The following MIGA1 variants were observed in gnomAD, a reference collection of about 807,000 sequenced individuals.
MIGA1 encodes mitoguardin 1.
MIGA1 carries 58 observed loss-of-function variants against 82.0 expected under a neutral mutation model. That is an observed-to-expected ratio of 0.71 (90% CI 0.57 to 0.88). The LOEUF (loss-of-function observed/expected upper bound fraction) is 0.88, where lower values mean the gene tolerates loss of function less well. Among genes scored for constraint, MIGA1 ranks in the 40% least tolerant of loss-of-function variants. The pLI, the probability that MIGA1 is intolerant of heterozygous loss-of-function variation, is 0.00. For missense variants in MIGA1, 751 were observed against 749.1 expected (o/e 1.00, Z -0.03); for synonymous variants, 249 against 253.6 (o/e 0.98, Z 0.17).
intron 3 of MIGA1, 124 bp from the exon 4 acceptor site, chr1:77,803,142 CAAGT>C (rs1400460064): frequency 6.9e-6 from 3 of 434,388 alleles, no homozygotes; most frequent in Admixed American, 4.4e-5. Context: ...ATAATTTACA[CAAGT>C]GAGTGATGCA....
chr1:77,847,414 A>C, intron 8 of MIGA1: 1 of 1,371,218 alleles, frequency 7.3e-7, no homozygotes, highest in Non-Finnish European at 1.0e-6. Flanking sequence ...AAGCCCAAGT[A>C]TATTCACAAC....
intron 1 of MIGA1, among the ~76,000 whole-genome samples, chr1:77,782,078 C>T (rs1681945555): frequency 6.6e-6 from 1 of 152,084 alleles, no homozygotes; most frequent in Admixed American, 6.6e-5. Flanking sequence ...GCAATCCACC[C>T]ATCTCGGCCT....
intron 7 of MIGA1, among the ~76,000 whole-genome samples, chr1:77,840,675 G>A (rs902687187): frequency 3.3e-5 from 5 of 152,092 alleles, no homozygotes; most frequent in Non-Finnish European, 7.4e-5. Context: ...AGCCGGGCGT[G>A]GTGGCACATG....
chr1:77,790,126 A>G (rs963141584), intron 2 of MIGA1, among the ~76,000 whole-genome samples: 2 of 152,218 alleles, frequency 1.3e-5, no homozygotes, highest in Non-Finnish European at 2.9e-5. Flanking sequence ...CAATATCACA[A>G]TCAAGAAATT....
intron 7 of MIGA1, among the ~76,000 whole-genome samples, chr1:77,822,758 C>T (rs1342566019): frequency 6.7e-6 from 1 of 150,316 alleles, no homozygotes; most frequent in Non-Finnish European, 1.5e-5. Context: ...TACATTTGTA[C>T]TATTTATAGA....
chr1:77,788,104 G>A (rs1449392507), intron 2 of MIGA1, among the ~76,000 whole-genome samples: 1 of 152,174 alleles, frequency 6.6e-6, no homozygotes, highest in Non-Finnish European at 1.5e-5. Context: ...CTGGGTTCAA[G>A]CAATTCTTCT....
At chr1:77,824,391 C>T (rs565948981) in intron 7 of MIGA1, among the ~76,000 whole-genome samples, 112 of 152,014 alleles carry the variant, frequency 7.4e-4, no homozygotes, top group African/African-American at 2.5e-3. Context: ...GCGAGATCCC[C>T]GTCTCTATAA....
In MIGA1 at chr1:77,859,459, T is replaced by G. The variant is rs931992855; in HGVS notation, c.1188+73T>G. On this transcript the variant is annotated intron_variant, in intron 10 of 15. Coordinates refer to ENST00000370791, the MANE Select transcript of MIGA1 (RefSeq NM_198549.4). Reference sequence around the variant, plus strand: ...CTCATGCTGTAGAGTCCAGTGCAAATAAACAGGACAGCTCTGTGCTCTTGA... The same window carrying G: ...CTCATGCTGTAGAGTCCAGTGCAAAGAAACAGGACAGCTCTGTGCTCTTGA... The G allele has an allele frequency of 1.8e-5, 18 of 983,270 alleles. No homozygotes were observed. The Middle Eastern group carries it at 8.3e-4, about 45-fold the overall frequency. 60.9% of individuals were successfully genotyped at this position (983,270 alleles called of 1,614,324 possible).
chr1:77,780,908 CTTTTTTT>C (rs1351911649), intron 1 of MIGA1, among the ~76,000 whole-genome samples: 6 of 133,246 alleles, frequency 4.5e-5, no homozygotes, highest in African/African-American at 1.1e-4. Flanking sequence ...TTTCTTTTTT[CTTTTTTT>C]TTTTTTTTTG....
At chr1:77,824,309 C>T (rs999146427) in intron 7 of MIGA1, among the ~76,000 whole-genome samples, 4 of 152,170 alleles carry the variant, frequency 2.6e-5, no homozygotes, top group Non-Finnish European at 5.9e-5. Flanking sequence ...TGTCTGTAAT[C>T]CCAGCACTTG....
chr1:77,813,997 C>A lies in MIGA1; in HGVS notation c.771+130C>A, dbSNP rs148506866. 604 of 856,126 alleles carry A rather than the reference C, an allele frequency of 7.1e-4. 1 individual carries two copies. The African/African-American group carries it at 9.3e-3, about 13-fold the overall frequency. The allele number at this position is 856,126 out of a possible 1,614,324, so 53.0% of individuals were successfully genotyped here. A position where few individuals can be genotyped will look rare whatever the true frequency, so the allele number is the denominator to read the frequency against. On this transcript the variant is annotated intron_variant, in intron 6 of 15. Coordinates refer to ENST00000370791, the MANE Select transcript of MIGA1 (RefSeq NM_198549.4). ...TCTTGAACTCCTGGGCTCAAGCGAT[C>A]TTCCCGCCTTGTCCTCTGAGTAATT...
rs976431055 is a variant in MIGA1, at chr1:77,878,999, T to C, written c.*3935T>C. On this transcript the variant is annotated 3_prime_UTR_variant, in exon 16 of 16. Coordinates refer to ENST00000370791, the MANE Select transcript of MIGA1 (RefSeq NM_198549.4). Reference sequence around the variant, plus strand: ...TACTTAAATTTAATTTCCAAGAGAGTGATTATTTGCATTACAAAGGAATTC... The same window carrying C: ...TACTTAAATTTAATTTCCAAGAGAGCGATTATTTGCATTACAAAGGAATTC... 1.4e-5 allele frequency: 4 copies of C among 277,252 alleles called. No individual in the cohort carries two copies. The highest frequency in any genetic ancestry group is 2.7e-5 in the Non-Finnish European group (4 of 149,954). 17.2% of individuals were successfully genotyped at this position (277,252 alleles called of 1,614,324 possible). A position where few individuals can be genotyped will look rare whatever the true frequency, so the allele number is the denominator to read the frequency against.
chr1:77,876,048 G>T lies in MIGA1; in HGVS notation c.*984G>T, dbSNP rs1646891560. The T allele has an allele frequency of 6.6e-6, 1 of 152,224 alleles. No individual in the cohort carries two copies. Among genetic ancestry groups the T allele is most frequent in the Non-Finnish European group, 1.5e-5 (1 of 68,114 alleles). The allele number at this position is 152,224 out of a possible 1,614,324, so 9.4% of individuals were successfully genotyped here. On this transcript the variant is annotated 3_prime_UTR_variant, in exon 16 of 16. Coordinates refer to ENST00000370791, the MANE Select transcript of MIGA1 (RefSeq NM_198549.4). Reference sequence around the variant, plus strand: ...CTCGGGAGGCTGACACAGGAGTATTGCTTGAACCCAGGAAGTGGAGGCTGC... The same window carrying T: ...CTCGGGAGGCTGACACAGGAGTATTTCTTGAACCCAGGAAGTGGAGGCTGC...
chr1:77,856,506 C>T (rs1325823793), intron 8 of MIGA1, among the ~76,000 whole-genome samples: 2 of 151,998 alleles, frequency 1.3e-5, no homozygotes, highest in Non-Finnish European at 2.9e-5. Context: ...TCTGGTCCTG[C>T]ACTTTTTTTT....
At chr1:77,779,964 C>A in intron 1 of MIGA1, 1 of 1,344,842 alleles carries the variant, frequency 7.4e-7, no homozygotes, top group Admixed American at 3.6e-5. Context: ...CAGGGTCGGG[C>A]CTGGTTAGTA....
rs866320210 is a variant in MIGA1 at position 77,787,139 on chromosome 1, T to G, written c.195+3788T>G. On this transcript the variant is annotated intron_variant, in intron 2 of 15. Coordinates refer to ENST00000370791, the MANE Select transcript of MIGA1 (RefSeq NM_198549.4). ...AAACCATCAGATCTCGTGAGACTTA[T>G]GCGCTGTCATGAGAACAGCAAGGGA... Among the ~76,000 whole-genome samples, 3 of 152,184 alleles carry G rather than the reference T, an allele frequency of 2.0e-5. No individual in the cohort carries two copies. In the South Asian group the frequency reaches 6.2e-4, roughly 31 times the overall value.
At chr1:77,806,653 A>C (rs1683112036) in intron 4 of MIGA1, among the ~76,000 whole-genome samples, 1 of 152,224 alleles carries the variant, frequency 6.6e-6, no homozygotes, top group Non-Finnish European at 1.5e-5. Flanking sequence ...AGCTAGCTTA[A>C]ATCACAGTAG....
rs750319550 is a variant in MIGA1, at chr1:77,783,267, A to T, written c.111A>T (p.Thr37=). ...GAAGAGGAGCCATGTCAGAAGAAACAGTAAGTGAATCACAGTTTTCCTTGA... is the reference window on the plus strand; with the variant it reads ...GAAGAGGAGCCATGTCAGAAGAAACTGTAAGTGAATCACAGTTTTCCTTGA... Residue 37 remains threonine, a synonymous_variant, in exon 2 of 16, where the codon ACA becomes ACT. Transcript: ENST00000370791. The T allele has an allele frequency of 3.1e-6, 5 of 1,593,130 alleles. No homozygotes were observed. In the East Asian group the frequency reaches 1.1e-4, roughly 36 times the overall value.
chr1:77,878,262 C>T lies in MIGA1; in HGVS notation c.*3198C>T, dbSNP rs35969461. ...TACAAAAATTAGCCAGGCATGGTGGCGCATGCCTGTAATCCCAGCTACTCG... is the reference window on the plus strand; with the variant it reads ...TACAAAAATTAGCCAGGCATGGTGGTGCATGCCTGTAATCCCAGCTACTCG... On this transcript the variant is annotated 3_prime_UTR_variant, in exon 16 of 16. Coordinates refer to ENST00000370791, the MANE Select transcript of MIGA1 (RefSeq NM_198549.4). The T allele has an allele frequency of 5.3e-5, 8 of 151,884 alleles. No individual in the cohort carries two copies. Among genetic ancestry groups the T allele is most frequent in the Middle Eastern group, 3.4e-3 (1 of 296 alleles). 9.4% of individuals were successfully genotyped at this position (151,884 alleles called of 1,614,324 possible).
Sources: gnomAD v4.1 joint callset for allele counts (sites outside exome capture counted in the v4.1 genomes callset) on GRCh38, gnomAD v4.1.1 for gene constraint, MANE v1.5 for transcripts, NCBI Gene and HGNC (gene_info 2026-07-23, HGNC 2026-07-21) for gene names.